The following RFX3 variants were observed in gnomAD, a reference collection of about 807,000 sequenced individuals.
RFX3 encodes transcription factor RFX3.
Under a neutral mutation model 98.6 loss-of-function variants are expected in RFX3, and 14 were observed. The ratio of observed to expected loss-of-function variants is 0.14; its 90% CI spans 0.09 to 0.22. The LOEUF (loss-of-function observed/expected upper bound fraction) is 0.22. Ranked by LOEUF, RFX3 falls within the 10% of genes least tolerant of loss-of-function variation. RFX3 has a pLI of 1.00. For missense variants in RFX3, 639 were observed against 926.9 expected, an observed-to-expected ratio of 0.69 and a Z score of 4.03; for synonymous variants, 383 against 328.4, an observed-to-expected ratio of 1.17 and a Z score of -1.80.
At chr9:3,449,533 A>T (rs910300744) in intron 1 of RFX3, among the ~76,000 whole-genome samples, 4 of 152,188 alleles carry the variant, frequency 2.6e-5, no homozygotes, top group Non-Finnish European at 2.9e-5. Flanking sequence ...ATTCACATTG[A>T]TTTAAAAGAC....
At chr9:3,482,110 T>C (rs988891103) in intron 1 of RFX3, among the ~76,000 whole-genome samples, 2 of 152,040 alleles carry the variant, frequency 1.3e-5, no homozygotes, top group Non-Finnish European at 2.9e-5. Flanking sequence ...CTGTATAGGA[T>C]ACCACCCAAA....
At chr9:3,226,812 T>C (rs1817831382) in intron 16 of RFX3, among the ~76,000 whole-genome samples, 1 of 152,208 alleles carries the variant, frequency 6.6e-6, no homozygotes, top group African/African-American at 2.4e-5. Flanking sequence ...ACAATGTCTG[T>C]AAGGATCTTA....
intron 11 of RFX3, 60 bp from the exon 12 acceptor site, chr9:3,266,365 G>T: frequency 8.9e-7 from 1 of 1,120,770 alleles, no homozygotes; most frequent in South Asian, 1.3e-5. Flanking sequence ...TAATGTTTGT[G>T]CTAGAATAAA....
intron 11 of RFX3, among the ~76,000 whole-genome samples, chr9:3,269,165 G>A (rs1186102537): frequency 6.6e-6 from 1 of 151,798 alleles, no homozygotes; most frequent in Non-Finnish European, 1.5e-5. Context: ...GATAATGTCA[G>A]CTAATTTTTT....
intron 3 of RFX3, among the ~76,000 whole-genome samples, chr9:3,345,357 T>C (rs562392846): frequency 1.3e-5 from 2 of 152,166 alleles, no homozygotes; most frequent in African/African-American, 2.4e-5. Context: ...GCCTAGAAGG[T>C]AGAAAATAAG....
At chr9:3,321,040 T>C (rs1831239792) in intron 4 of RFX3, among the ~76,000 whole-genome samples, 2 of 151,766 alleles carry the variant, frequency 1.3e-5, no homozygotes, top group African/African-American at 4.8e-5. Context: ...GTAGCTGAGA[T>C]TACAGGCATG....
At chr9:3,270,081 G>GGAAAGAAAGAAAGAAAGAAA (rs57222273) in intron 11 of RFX3, among the ~76,000 whole-genome samples, 4,309 of 137,762 alleles carry the variant, frequency 0.031, 166 homozygotes, top group African/African-American at 0.08. Context: ...AGAGAAAGAA[G>GGAAAGAAAGAAAGAAAGAAA]GAAAGAAAGA....
chr9:3,353,930 T>A (rs1835446722), intron 2 of RFX3, among the ~76,000 whole-genome samples: 1 of 151,974 alleles, frequency 6.6e-6, no homozygotes, highest in Non-Finnish European at 1.5e-5. Flanking sequence ...AGACTTATGA[T>A]TTAAGCGAAA....
chr9:3,228,928 G>A (rs777130896), intron 15 of RFX3, 39 bp from the exon 16 acceptor site: 9 of 1,560,888 alleles, frequency 5.8e-6, no homozygotes, highest in African/African-American at 1.4e-5. Context: ...GTTAATATAG[G>A]GCAGAATAAA....
intron 14 of RFX3, among the ~76,000 whole-genome samples, chr9:3,255,887 G>C (rs188981711): frequency 6.6e-6 from 1 of 151,956 alleles, no homozygotes; most frequent in Non-Finnish European, 1.5e-5. Context: ...TACTGTCTAC[G>C]AGATTACTGA....
intron 1 of RFX3, among the ~76,000 whole-genome samples, chr9:3,486,201 A>T (rs1312782113): frequency 6.6e-6 from 1 of 151,360 alleles, no homozygotes; most frequent in East Asian, 1.9e-4. Flanking sequence ...TTCTGGTCTT[A>T]AAAGATTTTT....
At chr9:3,434,427 A>T (rs1433309998) in intron 1 of RFX3, among the ~76,000 whole-genome samples, 2 of 152,238 alleles carry the variant, frequency 1.3e-5, no homozygotes, top group South Asian at 2.1e-4. Flanking sequence ...TTTCTAATAA[A>T]TGCTAAGGAA....
At chr9:3,386,741 G>C (rs1839764508) in intron 2 of RFX3, among the ~76,000 whole-genome samples, 3 of 152,182 alleles carry the variant, frequency 2.0e-5, no homozygotes, top group Admixed American at 2.0e-4. Flanking sequence ...ACAGTTTCAA[G>C]TTGGATGGGG....
chr9:3,283,041 A>G (rs1165175811), intron 7 of RFX3, among the ~76,000 whole-genome samples: 4 of 151,814 alleles, frequency 2.6e-5, no homozygotes, highest in Non-Finnish European at 5.9e-5. Flanking sequence ...TTTGGTAGTT[A>G]TTGAGTTGTG....
intron 1 of RFX3, among the ~76,000 whole-genome samples, chr9:3,410,161 C>CTGTG (rs555349379): frequency 0.13 from 14,278 of 113,934 alleles, 983 homozygotes; most frequent in Middle Eastern, 0.21. Context: ...GTGAGATAAA[C>CTGTG]TGTGTGTGTG....
At chr9:3,315,663 A>G (rs866420373) in intron 4 of RFX3, among the ~76,000 whole-genome samples, 1 of 152,206 alleles carries the variant, frequency 6.6e-6, no homozygotes, top group South Asian at 2.1e-4. Context: ...CAAGAATCAG[A>G]TAGATGCAAT....
intron 2 of RFX3, chr9:3,394,969 GATT>G: frequency 3.0e-6 from 1 of 330,836 alleles, no homozygotes; most frequent in Non-Finnish European, 4.3e-6. Flanking sequence ...AGACCTTGAA[GATT>G]ATTCTATTTT....
chr9:3,450,811 T>G (rs983436155), intron 1 of RFX3, among the ~76,000 whole-genome samples: 1 of 152,194 alleles, frequency 6.6e-6, no homozygotes, highest in Non-Finnish European at 1.5e-5. Flanking sequence ...TTAAAAATCC[T>G]TAGGATCATT....
intron 1 of RFX3, among the ~76,000 whole-genome samples, chr9:3,437,658 C>T (rs915309509): frequency 2.0e-5 from 3 of 151,950 alleles, no homozygotes; most frequent in African/African-American, 7.2e-5. Flanking sequence ...GACTTCGTTC[C>T]ACCCTACTTC....
Sources: allele counts gnomAD v4.1 joint callset (sites outside exome capture counted in the v4.1 genomes callset), GRCh38; gene constraint gnomAD v4.1.1; transcripts MANE v1.5; gene names NCBI Gene and HGNC (gene_info 2026-07-23, HGNC 2026-07-21).